Variants in SULT4A1 observed in about 807,000 individuals in gnomAD.
SULT4A1 encodes sulfotransferase 4A1.
In SULT4A1, 11 loss-of-function variants were observed where a neutral mutation model predicts 35.2. That is an observed-to-expected ratio of 0.31 (90% confidence interval 0.20 to 0.52). The LOEUF is 0.52. Ranked by LOEUF, SULT4A1 falls within the 20% of genes least tolerant of loss-of-function variation. The probability of loss-of-function intolerance (pLI) is 0.97; values close to 1 mark genes in which losing one functional copy is unlikely to be tolerated. For synonymous variants in SULT4A1, 152 were observed against 151.8 expected, an observed-to-expected ratio of 1.00 and a Z score of -0.01; for missense variants, 271 against 383.7, an observed-to-expected ratio of 0.71 and a Z score of 2.45.
intron 2 of SULT4A1, among the ~76,000 whole-genome samples, chr22:43,840,663 G>A (rs932533238): frequency 2.6e-5 from 4 of 152,026 alleles, no homozygotes; most frequent in South Asian, 2.1e-4. Flanking sequence ...GGCCTGATGC[G>A]CTCACTGCTT....
Position 43,829,261 on chromosome 22 carries a change from C to T in SULT4A1, c.604-63G>A, listed in dbSNP as rs1218084124. On this transcript the variant is annotated intron_variant, in intron 5 of 6. Transcript: ENST00000330884. ...AGGCGGGGCCTTTTACTGGACACGA[C>T]CCCAGGCTGGGCACACGCTGAGGAC... The T allele has an allele frequency of 2.8e-6, 4 of 1,452,620 alleles. No individual in the cohort carries two copies. The Admixed American group carries it at 1.1e-4, about 38-fold the overall frequency. 90.0% of individuals were successfully genotyped at this position (1,452,620 alleles called of 1,614,324 possible). A position where few individuals can be genotyped will look rare whatever the true frequency, so the allele number is the denominator to read the frequency against.
chr22:43,838,841 A>T (rs1360534813), intron 4 of SULT4A1, 26 bp downstream of exon 4: 13 of 1,613,402 alleles, frequency 8.1e-6, no homozygotes, highest in Non-Finnish European at 1.1e-5. Context: ...TCCGGTTCTA[A>T]CATGCCGCCA....
intron 4 of SULT4A1, among the ~76,000 whole-genome samples, chr22:43,834,372 C>G (rs1198517237): frequency 9.0e-6 from 1 of 111,162 alleles, no homozygotes; most frequent in Non-Finnish European, 1.9e-5. Flanking sequence ...CCACCGCGGC[C>G]CTGAGCTTCC....
intron 1 of SULT4A1, among the ~76,000 whole-genome samples, chr22:43,858,338 T>G (rs2049426919): frequency 6.6e-6 from 1 of 152,076 alleles, no homozygotes; most frequent in Admixed American, 6.5e-5. Context: ...CAGAAGTCAT[T>G]CTGCAGGCTT....
At chr22:43,850,572 T>C (rs967322305) in intron 1 of SULT4A1, among the ~76,000 whole-genome samples, 5 of 152,220 alleles carry the variant, frequency 3.3e-5, no homozygotes, top group African/African-American at 1.2e-4. Flanking sequence ...CGATCCTGTT[T>C]GCTGCTTGGG....
At chr22:43,849,808 A>G (rs1034894330) in intron 1 of SULT4A1, among the ~76,000 whole-genome samples, 29 of 152,332 alleles carry the variant, frequency 1.9e-4, no homozygotes, top group Admixed American at 1.7e-3. Context: ...GGCAGAAGGC[A>G]GCCGCCTCAC....
At position 43,829,117 on chromosome 22, in the gene SULT4A1, G is replaced by A. The variant is rs2063307997; in HGVS notation, c.685C>T (p.His229Tyr). 7.7e-6 allele frequency: 12 copies of A among 1,555,684 alleles called. No individual in the cohort carries two copies. Among genetic ancestry groups the A allele is most frequent in the Non-Finnish European group, 1.0e-5 (12 of 1,149,632 alleles). Residue 229 changes from histidine (H) to tyrosine (Y), a missense_variant, in exon 6 of 7, where the codon CAC becomes TAC. Coordinates refer to ENST00000330884, the MANE Select transcript of SULT4A1 (RefSeq NM_014351.4). ...DKAQLEALTE[H>Y]CHQLVDQCCN... ...CACTGGTCCACCAGCTGGTGGCAGT[G>A]CTCCGTCAGGGCTTCCAGCTGGGCC...
intron 1 of SULT4A1, among the ~76,000 whole-genome samples, chr22:43,860,099 G>T (rs996372328): frequency 6.6e-6 from 1 of 152,196 alleles, no homozygotes; most frequent in Non-Finnish European, 1.5e-5. Flanking sequence ...ATCAGCAGAG[G>T]GTGGGAAGGG....
chr22:43,840,063 G>C, intron 2 of SULT4A1, 38 bp from the exon 3 acceptor site: 1 of 1,557,124 alleles, frequency 6.4e-7, no homozygotes, highest in Non-Finnish European at 8.7e-7. Flanking sequence ...TCAGAGGAAA[G>C]GGTGAGACCA....
Position 43,862,399 on chromosome 22 carries a change from TCGCCGC to T in SULT4A1, c.-23_-18del, listed in dbSNP as rs1191465373. Reference sequence around the variant, plus strand: ...CTCCGCCATGCCGCCGCCGTCGCCGTCGCCGCCGCCGCCTCCCGGCTCGCAGCCCGC... The same window carrying T: ...CTCCGCCATGCCGCCGCCGTCGCCGTCGCCGCCTCCCGGCTCGCAGCCCGC... On this transcript the variant is annotated 5_prime_UTR_variant, in exon 1 of 7. Coordinates refer to ENST00000330884, the MANE Select transcript of SULT4A1 (RefSeq NM_014351.4). 8 of 1,255,792 alleles carry T rather than the reference TCGCCGC, an allele frequency of 6.4e-6. No individual in the cohort carries two copies. The highest frequency in any genetic ancestry group is 3.6e-5 in the East Asian group (1 of 28,018). The allele number at this position is 1,255,792 out of a possible 1,614,324, so 77.8% of individuals were successfully genotyped here. A position where few individuals can be genotyped will look rare whatever the true frequency, so the allele number is the denominator to read the frequency against.
chr22:43,834,191 A>T (rs541774943), intron 4 of SULT4A1, among the ~76,000 whole-genome samples: 1 of 152,216 alleles, frequency 6.6e-6, no homozygotes, highest in African/African-American at 2.4e-5. Context: ...AGCCTCAGTA[A>T]ATCGAGGAAC....
Position 43,841,962 on chromosome 22 carries a change from C to T in SULT4A1, c.170-30G>A, listed in dbSNP as rs764191692. The T allele has an allele frequency of 5.0e-6, 8 of 1,603,440 alleles. No homozygotes were observed. The Admixed American group carries it at 6.7e-5, about 13-fold the overall frequency. ...AGGGGAGAAGCCCCAGCGCGGGGTG[C>T]TCAGAGGAGGCCCACGCGCCCGGCC... On this transcript the variant is annotated intron_variant, in intron 1 of 6. Transcript: ENST00000330884.
chr22:43,849,949 G>A (rs564148338), intron 1 of SULT4A1, among the ~76,000 whole-genome samples: 5 of 152,220 alleles, frequency 3.3e-5, no homozygotes, highest in African/African-American at 9.6e-5. Context: ...TTCCTGCCTC[G>A]CTCACCTGCG....
intron 6 of SULT4A1, among the ~76,000 whole-genome samples, chr22:43,827,920 A>C (rs780678242): frequency 1.3e-5 from 2 of 152,238 alleles, no homozygotes; most frequent in Admixed American, 1.3e-4. Context: ...GTCGAGAGGG[A>C]CTGTGGTTCA....
chr22:43,854,951 C>T (rs887158999), intron 1 of SULT4A1, among the ~76,000 whole-genome samples: 6 of 152,220 alleles, frequency 3.9e-5, no homozygotes, highest in African/African-American at 1.4e-4. Flanking sequence ...ATCTGAGAGG[C>T]CTGATTTGGA....
intron 5 of SULT4A1, among the ~76,000 whole-genome samples, chr22:43,831,753 G>A (rs575063633): frequency 3.3e-5 from 5 of 152,362 alleles, no homozygotes; most frequent in African/African-American, 9.6e-5. Flanking sequence ...GCCAAGCTCC[G>A]GTGAGGGAGA....
At chr22:43,861,726 G>C (rs2049471318) in intron 1 of SULT4A1, among the ~76,000 whole-genome samples, 1 of 152,206 alleles carries the variant, frequency 6.6e-6, no homozygotes, top group South Asian at 2.1e-4. Context: ...CCGGAGCCCA[G>C]GCTGGAAAGG....
intron 1 of SULT4A1, among the ~76,000 whole-genome samples, chr22:43,858,419 G>C (rs1027765116): frequency 1.3e-5 from 2 of 152,124 alleles, no homozygotes; most frequent in African/African-American, 2.4e-5. Context: ...TGCTTTGGCA[G>C]CCCCTTCCCC....
At position 43,841,871 on chromosome 22, in the gene SULT4A1, G is replaced by A. The variant is rs752978711; in HGVS notation, c.231C>T (p.Ile77=). 6.8e-6 allele frequency: 11 copies of A among 1,613,922 alleles called. No homozygotes were observed. The highest frequency in any genetic ancestry group is 5.1e-6 in the Non-Finnish European group (6 of 1,179,930). The part of the protein sequence containing the change: ...LVSQGADPDE[I]GLMNIDEQLP... ...GCTGCTCGTCGATGTTCATCAAGCCGATCTCATCGGGGTCAGCGCCCTGGC... is the reference window on the plus strand; with the variant it reads ...GCTGCTCGTCGATGTTCATCAAGCCAATCTCATCGGGGTCAGCGCCCTGGC... The change falls in exon 2 of 7, where the codon ATC becomes ATT. Residue 77 remains isoleucine, a synonymous_variant. Coordinates refer to ENST00000330884, the MANE Select transcript of SULT4A1 (RefSeq NM_014351.4).
Sources: allele counts gnomAD v4.1 joint callset (sites outside exome capture counted in the v4.1 genomes callset), GRCh38; gene constraint gnomAD v4.1.1; transcripts MANE v1.5; gene names NCBI Gene and HGNC (gene_info 2026-07-23, HGNC 2026-07-21).